The following GNA14 variants were observed in gnomAD, a reference collection of about 807,000 sequenced individuals.
GNA14 encodes G protein subunit alpha 14, also known as guanine nucleotide-binding protein subunit alpha-14.
A neutral mutation model predicts 42.0 loss-of-function variants in GNA14; 50 were observed. The observed-to-expected ratio is 1.19, with a 90% CI of 0.95 to 1.51. GNA14 has a LOEUF of 1.51. Ranked by LOEUF, GNA14 falls within the 40% of genes most tolerant of loss-of-function variation. GNA14 has a pLI of 0.00. For synonymous variants in GNA14, 173 were observed against 163.1 expected (o/e 1.06, Z -0.46); for missense variants, 473 against 446.2 (o/e 1.06, Z -0.54).
intron 2 of GNA14, among the ~76,000 whole-genome samples, chr9:77,484,365 G>A (rs957406885): frequency 6.6e-6 from 1 of 152,012 alleles, no homozygotes; most frequent in Non-Finnish European, 1.5e-5. Flanking sequence ...AAATTAAAAC[G>A]TGTTCAAAAA....
chr9:77,439,108 C>G (rs1312343334), intron 2 of GNA14, among the ~76,000 whole-genome samples: 1 of 152,106 alleles, frequency 6.6e-6, no homozygotes, highest in African/African-American at 2.4e-5. Flanking sequence ...TTTTGTCCCT[C>G]TGAATGAGAA....
chr9:77,538,164 G>A (rs774023899), intron 1 of GNA14, among the ~76,000 whole-genome samples: 1 of 150,932 alleles, frequency 6.6e-6, no homozygotes, highest in Non-Finnish European at 1.5e-5. Flanking sequence ...ACAAATTCCT[G>A]GGCTCAAGTG....
intron 1 of GNA14, among the ~76,000 whole-genome samples, chr9:77,564,313 A>C (rs1182817973): frequency 1.3e-5 from 2 of 151,430 alleles, no homozygotes; most frequent in African/African-American, 4.8e-5. Flanking sequence ...AAAAAAAAAA[A>C]ACTTATTTTT....
At chr9:77,530,675 T>C (rs967230762) in intron 1 of GNA14, among the ~76,000 whole-genome samples, 2 of 152,228 alleles carry the variant, frequency 1.3e-5, no homozygotes, top group African/African-American at 4.8e-5. Context: ...AAAAATGTCT[T>C]GGTCTGATCT....
At chr9:77,444,540 G>A (rs1264252647) in intron 2 of GNA14, among the ~76,000 whole-genome samples, 1 of 152,158 alleles carries the variant, frequency 6.6e-6, no homozygotes, top group East Asian at 1.9e-4. Context: ...GCAGGTTCCA[G>A]CCTGCCCTTG....
At chr9:77,634,256 C>CAATA (rs1402789432) in intron 1 of GNA14, among the ~76,000 whole-genome samples, 6 of 151,528 alleles carry the variant, frequency 4.0e-5, no homozygotes, top group Non-Finnish European at 7.4e-5. Flanking sequence ...CTTGTATCTA[C>CAATA]AATAAATAAA....
intron 2 of GNA14, among the ~76,000 whole-genome samples, chr9:77,458,908 G>GA (rs1176820331): frequency 6.8e-6 from 1 of 147,488 alleles, no homozygotes; most frequent in African/African-American, 2.4e-5. Flanking sequence ...AGCTGGAGGG[G>GA]GGGGGGTTGT....
At chr9:77,491,862 AT>A (rs968623659) in intron 2 of GNA14, among the ~76,000 whole-genome samples, 2 of 152,252 alleles carry the variant, frequency 1.3e-5, no homozygotes, top group Non-Finnish European at 2.9e-5. Context: ...TAGAATACAC[AT>A]TCTTTTCATC....
chr9:77,603,286 G>A (rs980608066), intron 1 of GNA14, among the ~76,000 whole-genome samples: 6 of 152,088 alleles, frequency 3.9e-5, no homozygotes, highest in Admixed American at 3.9e-4. Flanking sequence ...AAATGCCTAA[G>A]AGCCACTGAT....
chr9:77,433,027 C>T (rs1426937081), intron 3 of GNA14, among the ~76,000 whole-genome samples: 2 of 152,224 alleles, frequency 1.3e-5, no homozygotes, highest in African/African-American at 4.8e-5. Context: ...CATTCCTGTA[C>T]TTAGATTGGT....
intron 2 of GNA14, among the ~76,000 whole-genome samples, chr9:77,503,329 T>C (rs145760691): frequency 4.5e-4 from 68 of 152,242 alleles, no homozygotes; most frequent in African/African-American, 1.5e-3. Flanking sequence ...CTCAAGGTAT[T>C]TGAGGAAGAG....
At chr9:77,542,193 AT>A (rs1220935549) in intron 1 of GNA14, among the ~76,000 whole-genome samples, 1 of 152,164 alleles carries the variant, frequency 6.6e-6, no homozygotes, top group Non-Finnish European at 1.5e-5. Flanking sequence ...TTTCCTGAAG[AT>A]ATAAGATATG....
chr9:77,595,051 C>T (rs766724766), intron 1 of GNA14, among the ~76,000 whole-genome samples: 12 of 152,178 alleles, frequency 7.9e-5, no homozygotes, highest in Non-Finnish European at 1.5e-4. Flanking sequence ...TCCAAACAGT[C>T]GCACTTTCCA....
In GNA14 at chr9:77,635,886, T is replaced by C. The variant is rs564860011; in HGVS notation, c.124+11784A>G. Among the ~76,000 whole-genome samples the C allele has an allele frequency of 2.6e-5, 4 of 152,212 alleles. No homozygotes were observed. The East Asian group carries it at 7.7e-4, about 29-fold the overall frequency. On this transcript the variant is annotated intron_variant, in intron 1 of 6. Coordinates refer to ENST00000341700, the MANE Select transcript of GNA14 (RefSeq NM_004297.4). Reference sequence around the variant, plus strand: ...CCACCCCATCCATAGGATCAAAGTTTGTACTTGTGTTTCTCAAACACTGTA... The same window carrying C: ...CCACCCCATCCATAGGATCAAAGTTCGTACTTGTGTTTCTCAAACACTGTA...
intron 2 of GNA14, among the ~76,000 whole-genome samples, chr9:77,486,997 T>TA (rs771735239): frequency 4.7e-5 from 7 of 147,574 alleles, no homozygotes; most frequent in Non-Finnish European, 1.0e-4. Flanking sequence ...AATGTAGTGT[T>TA]ACCACAAACC....
At chr9:77,429,071 G>T in intron 4 of GNA14, 35 bp from the exon 5 acceptor site, 1 of 1,610,016 alleles carries the variant, frequency 6.2e-7, no homozygotes, top group South Asian at 1.1e-5. Context: ...TCAAAGGTTG[G>T]AATACATGAC....
At chr9:77,502,406 T>C (rs1266758969) in intron 2 of GNA14, among the ~76,000 whole-genome samples, 1 of 152,198 alleles carries the variant, frequency 6.6e-6, no homozygotes, top group Admixed American at 6.5e-5. Context: ...GGTCTTACTC[T>C]GACCCTGCTC....
intron 1 of GNA14, among the ~76,000 whole-genome samples, chr9:77,573,856 T>C (rs1823094520): frequency 6.6e-6 from 1 of 152,122 alleles, no homozygotes; most frequent in South Asian, 2.1e-4. Flanking sequence ...AACTCCACCT[T>C]AGAGAAGAAG....
intron 1 of GNA14, among the ~76,000 whole-genome samples, chr9:77,591,041 A>T (rs898041241): frequency 6.6e-6 from 1 of 152,186 alleles, no homozygotes; most frequent in Non-Finnish European, 1.5e-5. Flanking sequence ...GCAAACTTAA[A>T]GTCATCTCAT....
Sources: gnomAD v4.1 joint callset for allele counts (sites outside exome capture counted in the v4.1 genomes callset) on GRCh38, gnomAD v4.1.1 for gene constraint, MANE v1.5 for transcripts, NCBI Gene and HGNC (gene_info 2026-07-23, HGNC 2026-07-21) for gene names.